The following MAGI2 variants were observed in gnomAD, a reference collection of about 807,000 sequenced individuals.
MAGI2 encodes membrane associated guanylate kinase, WW and PDZ domain containing 2.
In MAGI2, 35 loss-of-function variants were observed where a neutral mutation model predicts 133.3. The ratio of observed to expected loss-of-function variants is 0.26; its 90% CI spans 0.20 to 0.35. The LOEUF is 0.35. Ranked by LOEUF, MAGI2 falls within the 10% of genes least tolerant of loss-of-function variation. The pLI is 1.00. For missense variants in MAGI2, 1,636 were observed against 1,863.4 expected (o/e 0.88, Z 2.25); for synonymous variants, 729 against 710.6 (o/e 1.03, Z -0.41).
intron 9 of MAGI2, among the ~76,000 whole-genome samples, chr7:78,281,836 T>TAATA (rs966467600): frequency 1.2e-4 from 18 of 148,148 alleles, no homozygotes; most frequent in African/African-American, 4.5e-4. Context: ...GGGACTATCC[T>TAATA]AATAACCTTA....
chr7:78,952,225 A>T (rs1472661939), intron 2 of MAGI2, among the ~76,000 whole-genome samples: 1 of 152,158 alleles, frequency 6.6e-6, no homozygotes, highest in Non-Finnish European at 1.5e-5. Flanking sequence ...GAGATTCTGG[A>T]ACAAAAGTTT....
At chr7:78,834,595 A>G (rs8180745) in intron 2 of MAGI2, among the ~76,000 whole-genome samples, 13,689 of 152,202 alleles carry the variant, frequency 0.09, 815 homozygotes, top group East Asian at 0.2. Context: ...TGATGCATTT[A>G]GGTTGCTTCC....
intron 21 of MAGI2, among the ~76,000 whole-genome samples, chr7:78,029,618 G>C (rs963294019): frequency 6.6e-6 from 1 of 152,198 alleles, no homozygotes; most frequent in African/African-American, 2.4e-5. Flanking sequence ...CCATTTCTTG[G>C]GATGCTCCAG....
intron 6 of MAGI2, among the ~76,000 whole-genome samples, chr7:78,406,341 C>T (rs1797372159): frequency 6.6e-6 from 1 of 152,004 alleles, no homozygotes; most frequent in African/African-American, 2.4e-5. Context: ...AGCTGTATTT[C>T]CGACCTTGCT....
At chr7:78,269,348 G>C (rs999394019) in intron 9 of MAGI2, among the ~76,000 whole-genome samples, 1 of 152,174 alleles carries the variant, frequency 6.6e-6, no homozygotes, top group African/African-American at 2.4e-5. Flanking sequence ...CTAGATCCTT[G>C]AGGGATTGCC....
chr7:78,133,482 A>T (rs1821780248), intron 17 of MAGI2, among the ~76,000 whole-genome samples: 1 of 152,168 alleles, frequency 6.6e-6, no homozygotes, highest in Admixed American at 6.5e-5. Context: ...AATGAACCAT[A>T]AAAAGAAAAA....
At chr7:79,183,029 C>T (rs1826755469) in intron 1 of MAGI2, among the ~76,000 whole-genome samples, 2 of 151,772 alleles carry the variant, frequency 1.3e-5, no homozygotes, top group South Asian at 4.2e-4. Flanking sequence ...TAATAGATAC[C>T]AGAAGCTGAG....
chr7:78,220,374 CA>C (rs1489010602), intron 10 of MAGI2, among the ~76,000 whole-genome samples: 1 of 152,184 alleles, frequency 6.6e-6, no homozygotes, highest in Non-Finnish European at 1.5e-5. Flanking sequence ...ACTCTCATCA[CA>C]GCACCTGGAA....
chr7:78,906,298 G>A (rs1306019046), intron 2 of MAGI2, among the ~76,000 whole-genome samples: 1 of 152,122 alleles, frequency 6.6e-6, no homozygotes, highest in East Asian at 1.9e-4. Flanking sequence ...TACCTGAAAT[G>A]GCTAATACTC....
intron 1 of MAGI2, among the ~76,000 whole-genome samples, chr7:79,026,637 C>T (rs184306157): frequency 6.6e-6 from 1 of 152,080 alleles, no homozygotes; most frequent in African/African-American, 2.4e-5. Flanking sequence ...CTTTGGGAGG[C>T]TGAGGCGAGC....
intron 2 of MAGI2, among the ~76,000 whole-genome samples, chr7:78,641,772 A>G (rs1348725761): frequency 1.3e-5 from 2 of 152,214 alleles, no homozygotes; most frequent in East Asian, 3.8e-4. Context: ...AAATATCTGT[A>G]GAAGGATCAT....
chr7:78,177,274 A>G (rs2150678603), intron 14 of MAGI2, among the ~76,000 whole-genome samples: 2 of 152,278 alleles, frequency 1.3e-5, no homozygotes, highest in East Asian at 3.9e-4. Flanking sequence ...GACCTAACTT[A>G]GTCACATTGG....
chr7:78,159,572 A>C (rs1223762876), intron 16 of MAGI2, among the ~76,000 whole-genome samples: 2 of 152,134 alleles, frequency 1.3e-5, no homozygotes, highest in African/African-American at 4.8e-5. Flanking sequence ...CTTGGATGCC[A>C]AGCTTGGCGT....
At chr7:79,054,108 A>G (rs764306128) in intron 1 of MAGI2, among the ~76,000 whole-genome samples, 7 of 152,140 alleles carry the variant, frequency 4.6e-5, no homozygotes, top group Non-Finnish European at 8.8e-5. Flanking sequence ...AGGAGGGAGA[A>G]TCGCTTGAAC....
At chr7:78,115,657 A>C (rs1819795392) in intron 20 of MAGI2, among the ~76,000 whole-genome samples, 1 of 152,186 alleles carries the variant, frequency 6.6e-6, no homozygotes, top group Non-Finnish European at 1.5e-5. Flanking sequence ...CTGAGTACCA[A>C]AAAACATGTC....
At chr7:78,671,280 TC>T (rs199841050) in intron 2 of MAGI2, among the ~76,000 whole-genome samples, 1 of 47,714 alleles carries the variant, frequency 2.1e-5, no homozygotes, top group Non-Finnish European at 4.4e-5. Context: ...TCTCTCTCTC[TC>T]TTTTTTTTTT....
Position 78,132,838 on chromosome 7 carries a change from T to C in MAGI2, c.3203+51A>G, listed in dbSNP as rs775017160. On this transcript the variant is annotated intron_variant, in intron 18 of 21. Transcript: ENST00000354212. ...TGTGCTGTCCCCAAATACTCCCTCCTTTCCCCACCCTATCACCTCTCAGAA... is the reference window on the plus strand; with the variant it reads ...TGTGCTGTCCCCAAATACTCCCTCCCTTCCCCACCCTATCACCTCTCAGAA... 1.9e-6 allele frequency: 3 copies of C among 1,613,594 alleles called. No individual in the cohort carries two copies. In the Admixed American group the frequency reaches 5.0e-5, roughly 27 times the overall value.
At chr7:79,325,843 CTGTT>C (rs1235149497) in intron 1 of MAGI2, among the ~76,000 whole-genome samples, 4 of 152,286 alleles carry the variant, frequency 2.6e-5, no homozygotes, top group African/African-American at 7.2e-5. Context: ...ATTAAAGTCT[CTGTT>C]TGAGATAAAA....
intron 2 of MAGI2, among the ~76,000 whole-genome samples, chr7:78,806,850 G>A (rs1437460689): frequency 1.3e-5 from 2 of 148,166 alleles, no homozygotes; most frequent in African/African-American, 2.5e-5. Flanking sequence ...CCTGGGCCAC[G>A]GAGCAACACC....
Sources: gnomAD v4.1 joint callset for allele counts (sites outside exome capture counted in the v4.1 genomes callset) on GRCh38, gnomAD v4.1.1 for gene constraint, MANE v1.5 for transcripts, NCBI Gene and HGNC (gene_info 2026-07-23, HGNC 2026-07-21) for gene names.